OGT: variants seen among roughly 807,000 people sequenced by gnomAD.
OGT encodes the protein UDP-N-acetylglucosamine--peptide N-acetylglucosaminyltransferase 110 kDa subunit.
A neutral mutation model predicts 75.8 loss-of-function variants in OGT; 3 were observed. That is an observed-to-expected ratio of 0.04 (90% CI 0.02 to 0.10). The LOEUF is 0.10. OGT is among the 10% of genes least tolerant of loss of function. The pLI is 1.00. For synonymous variants in OGT, 257 were observed against 289.7 expected, an observed-to-expected ratio of 0.89 and a Z score of 1.15; for missense variants, 260 against 824.4, an observed-to-expected ratio of 0.32 and a Z score of 8.38.
In OGT at chrX:71,567,679, C is replaced by T. The variant is rs1280017979; in HGVS notation, c.2769C>T (p.Asp923=). Reference sequence around the variant, plus strand: ...GCCAGCTGGCTGATGTCTGCTTGGACACTCCACTCTGTAATGGGCACACCA... The same window carrying T: ...GCCAGCTGGCTGATGTCTGCTTGGATACTCCACTCTGTAATGGGCACACCA... ...RRGQLADVCL[D]TPLCNGHTTG... Residue 923 remains aspartate (D), a synonymous_variant, in exon 20 of 22, where the codon GAC becomes GAT. Transcript: ENST00000373719. The T allele has an allele frequency of 8.3e-7, 1 of 1,210,639 alleles. No individual in the cohort carries two copies. Among genetic ancestry groups the T allele is most frequent in the African/African-American group, 1.7e-5 (1 of 57,860 alleles).
chrX:71,568,286 A>G lies in OGT; in HGVS notation c.2966+170A>G, dbSNP rs916756047. ...AGAAATGAAGTGATCAATAGGTTTT[A>G]CTATGTAAAAAGTAAATGGCTGAAT... On this transcript the variant is annotated intron_variant, in intron 21 of 21. Transcript: ENST00000373719. Among the ~76,000 whole-genome samples, 3 of 112,862 alleles carry G rather than the reference A, an allele frequency of 2.7e-5. No individual in the cohort carries two copies. In the East Asian group the frequency reaches 8.2e-4, roughly 31 times the overall value.
intron 12 of OGT, 95 bp from the exon 13 acceptor site, chrX:71,559,172 C>A: frequency 1.3e-6 from 1 of 790,604 alleles, no homozygotes; most frequent in East Asian, 3.3e-5. Context: ...CCTTTTTCAA[C>A]AGGTGTGAGG....
intron 3 of OGT, among the ~76,000 whole-genome samples, chrX:71,541,409 A>G (rs1310236310): frequency 1.8e-5 from 2 of 112,317 alleles, no homozygotes; most frequent in African/African-American, 6.5e-5. Context: ...TAAATATGTG[A>G]GTGCTTATTG....
rs1296873865 is a variant in OGT at position 71,556,587 on chromosome X, A to C, written c.1066-93A>C. 2.1e-5 allele frequency: 10 copies of C among 478,461 alleles called. No individual in the cohort carries two copies. In the East Asian group the frequency reaches 3.5e-4, roughly 17 times the overall value. The allele number at this position is 478,461 out of a possible 1,213,427, so 39.4% of individuals were successfully genotyped here. The stretch of plus-strand genomic sequence containing the variant: ...AGTAGAGACAAATTTAGGGGTTTAA[A>C]TGTACTTGAGCAAAGTTCTTAAGGT... On this transcript the variant is annotated intron_variant, in intron 8 of 21. Coordinates refer to ENST00000373719, the MANE Select transcript of OGT (RefSeq NM_181672.3).
chrX:71,544,965 G>C, intron 4 of OGT: 1 of 225,956 alleles, frequency 4.4e-6, no homozygotes, highest in East Asian at 8.1e-5. Context: ...CAGAGCGCCT[G>C]TGATTTGGCT....
chrX:71,551,712 A>G (rs181269286), intron 5 of OGT, among the ~76,000 whole-genome samples: 26 of 112,252 alleles, frequency 2.3e-4, no homozygotes, highest in Non-Finnish European at 3.8e-4. Context: ...GTGGTAAACA[A>G]TTTCACCAGT....
chrX:71,562,926 C>T lies in OGT; in HGVS notation c.2057C>T (p.Ala686Val). 8.3e-7 allele frequency: 1 copy of T among 1,208,722 alleles called. No homozygotes were observed. The highest frequency in any genetic ancestry group is 1.1e-6 in the Non-Finnish European group (1 of 893,214). ...ATCACTGATCAGGAAACTTCGCCAG[C>T]TGAAGTTGCTGAGCAGTATTCCGAG... ...YIITDQETSP[A>V]EVAEQYSEKL... The change falls in exon 16 of 22, where the codon GCT becomes GTT. Residue 686 changes from alanine to valine, a missense_variant. This residue lies in a region of OGT where 99 missense variants were observed against 417.9 expected (regional missense o/e 0.24). Transcript: ENST00000373719.
Position 71,559,252 on chromosome X carries a change from G to C in OGT, c.1603-15G>C. The C allele has an allele frequency of 8.4e-7, 1 of 1,194,592 alleles. No homozygotes were observed. Among genetic ancestry groups the C allele is most frequent in the Non-Finnish European group, 1.1e-6 (1 of 886,073 alleles). On this transcript the variant is annotated splice_polypyrimidine_tract_variant and intron_variant, in intron 12 of 21. Transcript: ENST00000373719. The stretch of plus-strand genomic sequence containing the variant: ...TATGTAGATTTTACTAACAAGCATT[G>C]GATTCTGTTGATAGATTAATGTTCT...
intron 21 of OGT, among the ~76,000 whole-genome samples, chrX:71,573,295 A>G (rs1322930003): frequency 1.8e-5 from 2 of 112,484 alleles, no homozygotes; most frequent in African/African-American, 3.2e-5. Flanking sequence ...AAGCAACAGT[A>G]CATAGGAATA....
At chrX:71,543,263 C>T (rs989139479) in intron 3 of OGT, among the ~76,000 whole-genome samples, 1 of 111,632 alleles carries the variant, frequency 9.0e-6, no homozygotes, top group Non-Finnish European at 1.9e-5. Flanking sequence ...ACCCATGGAA[C>T]AGTTTGGAAT....
At chrX:71,548,101 C>G in intron 5 of OGT, 78 bp downstream of exon 5, 1 of 969,855 alleles carries the variant, frequency 1.0e-6, no homozygotes, top group East Asian at 3.1e-5. Flanking sequence ...AATAATAGGT[C>G]TTAGCCAGTG....
At chrX:71,546,117 T>A (rs765803527) in intron 4 of OGT, 1 of 749,600 alleles carries the variant, frequency 1.3e-6, no homozygotes, top group Non-Finnish European at 1.6e-6. Context: ...GTTGTCTTTG[T>A]AGAAAATGAA....
chrX:71,560,165 G>A (rs761076694), intron 14 of OGT, among the ~76,000 whole-genome samples: 15 of 107,260 alleles, frequency 1.4e-4, no homozygotes, highest in East Asian at 1.2e-3. Flanking sequence ...TGTAATCCCC[G>A]CTACTTGGGA....
intron 21 of OGT, among the ~76,000 whole-genome samples, chrX:71,570,691 T>C (rs147484296): frequency 9.0e-6 from 1 of 111,296 alleles, no homozygotes; most frequent in African/African-American, 3.3e-5. Flanking sequence ...ATTTCCTCCA[T>C]AGAACATCAC....
At chrX:71,536,113 T>A in intron 1 of OGT, 65 bp from the exon 2 acceptor site, 1 of 973,206 alleles carries the variant, frequency 1.0e-6, no homozygotes, top group Non-Finnish European at 1.4e-6. Context: ...TACATTTTTT[T>A]GGTTTACATT....
chrX:71,557,341 C>G, intron 11 of OGT, 45 bp downstream of exon 11: 1 of 1,092,616 alleles, frequency 9.2e-7, no homozygotes, highest in Non-Finnish European at 1.3e-6. Context: ...GTTGTAATAG[C>G]TTTTTAATTG....
chrX:71,545,607 C>T (rs1211998320), intron 4 of OGT: 1 of 112,390 alleles, frequency 8.9e-6, no homozygotes, highest in Non-Finnish European at 1.9e-5. Context: ...AGTGTATGCG[C>T]AGAGTAGCTG....
At position 71,574,700 on chromosome X, in the gene OGT, A is replaced by G. The variant is rs1466887333; in HGVS notation, c.*906A>G. On this transcript the variant is annotated 3_prime_UTR_variant, in exon 22 of 22. Transcript: ENST00000373719. ...TGTTTTACCCTTGACTGCCCCTTCT[A>G]TGCTGCTTCCAAAAGTGATAGTGTG... The G allele has an allele frequency of 9.7e-6, 1 of 103,367 alleles. No homozygotes were observed. Among genetic ancestry groups the G allele is most frequent in the African/African-American group, 3.6e-5 (1 of 28,000 alleles). The allele number at this position is 103,367 out of a possible 1,213,427, so 8.5% of individuals were successfully genotyped here.
chrX:71,564,450 C>T (rs945830368), intron 18 of OGT, 151 bp from the exon 19 acceptor site: 13 of 467,637 alleles, frequency 2.8e-5, no homozygotes, highest in Non-Finnish European at 4.3e-5. Context: ...GATAATGCTG[C>T]AACGGTTTGC....
Sources: allele counts gnomAD v4.1 joint callset (sites outside exome capture counted in the v4.1 genomes callset), GRCh38; gene constraint gnomAD v4.1.1; regional missense constraint gnomAD v4.1.1; transcripts MANE v1.5; gene names NCBI Gene and HGNC (gene_info 2026-07-23, HGNC 2026-07-21).